WWOX: variants seen among roughly 807,000 people sequenced by gnomAD.
The protein encoded by WWOX is WW domain containing oxidoreductase, also known as WW domain-containing oxidoreductase.
WWOX carries 69 observed loss-of-function variants against 46.2 expected under a neutral mutation model. The ratio of observed to expected loss-of-function variants is 1.49; its 90% CI spans 1.23 to 1.82. WWOX has a LOEUF of 1.82. Among genes scored for constraint, WWOX ranks in the 40% most tolerant of loss-of-function variants. The pLI is 0.00. For synonymous variants in WWOX, 359 were observed against 202.6 expected (o/e 1.77, Z -6.56); for missense variants, 919 against 542.6 (o/e 1.69, Z -6.89).
chr16:78,652,160 C>G (rs1235081605), intron 8 of WWOX, among the ~76,000 whole-genome samples: 1 of 151,912 alleles, frequency 6.6e-6, no homozygotes, highest in African/African-American at 2.4e-5. Flanking sequence ...ACCTGTAATC[C>G]CAGCACTTTG....
At chr16:78,329,946 A>G (rs917376028) in intron 5 of WWOX, among the ~76,000 whole-genome samples, 2 of 152,024 alleles carry the variant, frequency 1.3e-5, no homozygotes, top group South Asian at 2.1e-4. Context: ...AGTTCTTGCT[A>G]TGTTGCCCAC....
At chr16:78,701,243 A>G (rs1478548754) in intron 8 of WWOX, among the ~76,000 whole-genome samples, 1 of 152,170 alleles carries the variant, frequency 6.6e-6, no homozygotes, top group African/African-American at 2.4e-5. Context: ...CATGTAAAGA[A>G]CTAGGGATAT....
At chr16:78,749,382 C>A (rs138357607) in intron 8 of WWOX, among the ~76,000 whole-genome samples, 2 of 151,996 alleles carry the variant, frequency 1.3e-5, no homozygotes, top group African/African-American at 4.8e-5. Flanking sequence ...TTGAATACAG[C>A]CTTTTGCATT....
In WWOX at chr16:79,103,086, G is replaced by A. The variant is rs1302640826; in HGVS notation, c.1057-108522G>A. Among the ~76,000 whole-genome samples the A allele has an allele frequency of 3.3e-5, 5 of 152,072 alleles. No individual in the cohort carries two copies. In the East Asian group the frequency reaches 7.7e-4, roughly 23 times the overall value. On this transcript the variant is annotated intron_variant, in intron 8 of 8. Transcript: ENST00000566780. ...GTTCTCACCATAACCCTCTGGCAAA[G>A]GCAAATATTCACCTAAGTGGTTAAG...
At chr16:78,555,584 A>G (rs1012861210) in intron 8 of WWOX, among the ~76,000 whole-genome samples, 1 of 81,518 alleles carries the variant, frequency 1.2e-5, no homozygotes, top group African/African-American at 3.3e-5. Flanking sequence ...AAGGAGTGCC[A>G]CTTTTTTTTT....
intron 8 of WWOX, among the ~76,000 whole-genome samples, chr16:78,561,331 G>C (rs1325400988): frequency 1.3e-5 from 2 of 152,084 alleles, no homozygotes; most frequent in Non-Finnish European, 2.9e-5. Flanking sequence ...CATGCATGTA[G>C]TTCCCTCCTG....
At chr16:78,636,162 TATA>T (rs2046563930) in intron 8 of WWOX, among the ~76,000 whole-genome samples, 1 of 152,148 alleles carries the variant, frequency 6.6e-6, no homozygotes, top group African/African-American at 2.4e-5. Flanking sequence ...GGTAGTATAT[TATA>T]ATGGAAACCA....
chr16:79,202,033 C>A (rs1028286756), intron 8 of WWOX, among the ~76,000 whole-genome samples: 1 of 151,436 alleles, frequency 6.6e-6, no homozygotes, highest in Non-Finnish European at 1.5e-5. Flanking sequence ...CTATGGCCTG[C>A]CGGCTAAATC....
At chr16:78,848,779 C>G (rs756841544) in intron 8 of WWOX, among the ~76,000 whole-genome samples, 5 of 144,976 alleles carry the variant, frequency 3.4e-5, no homozygotes, top group African/African-American at 5.2e-5. Flanking sequence ...CCAAAATAGA[C>G]GGGAGTTACA....
intron 8 of WWOX, among the ~76,000 whole-genome samples, chr16:78,538,994 G>A (rs1490896337): frequency 6.6e-6 from 1 of 152,214 alleles, no homozygotes; most frequent in African/African-American, 2.4e-5. Context: ...GCTGTGGGAT[G>A]AATGGGGAAA....
In WWOX at chr16:78,427,664, A is replaced by G. The variant is rs976960684; in HGVS notation, c.791+2609A>G. ...CTTGGTAGCACATGCCTGTAATCCTATCTAGTAAGAGGCTGAGGTGGGAGG... is the reference window on the plus strand; with the variant it reads ...CTTGGTAGCACATGCCTGTAATCCTGTCTAGTAAGAGGCTGAGGTGGGAGG... On this transcript the variant is annotated intron_variant, in intron 7 of 8. Transcript: ENST00000566780. Among the ~76,000 whole-genome samples the G allele has an allele frequency of 3.3e-5, 5 of 152,078 alleles. No individual in the cohort carries two copies. In the South Asian group the frequency reaches 8.3e-4, roughly 25 times the overall value.
intron 5 of WWOX, among the ~76,000 whole-genome samples, chr16:78,283,249 G>A (rs746939612): frequency 1.1e-4 from 17 of 152,236 alleles, no homozygotes; most frequent in Non-Finnish European, 2.1e-4. Context: ...TCCATGCAAG[G>A]AGGAACGATG....
intron 8 of WWOX, among the ~76,000 whole-genome samples, chr16:78,441,651 C>A (rs1308015565): frequency 1.3e-5 from 2 of 151,964 alleles, no homozygotes; most frequent in Admixed American, 1.3e-4. Flanking sequence ...TAGCTCTCTC[C>A]CATTCTAACT....
At chr16:78,594,100 C>T (rs543244723) in intron 8 of WWOX, among the ~76,000 whole-genome samples, 2 of 151,994 alleles carry the variant, frequency 1.3e-5, no homozygotes, top group Non-Finnish European at 2.9e-5. Flanking sequence ...ATGATAAAGT[C>T]ACTTCTCAAC....
At chr16:78,653,168 A>C (rs555588891) in intron 8 of WWOX, among the ~76,000 whole-genome samples, 1 of 152,196 alleles carries the variant, frequency 6.6e-6, no homozygotes, top group Non-Finnish European at 1.5e-5. Flanking sequence ...TTAAAAAAAC[A>C]AGAATTTCTC....
intron 8 of WWOX, among the ~76,000 whole-genome samples, chr16:79,103,577 A>C (rs558963344): frequency 6.6e-6 from 1 of 152,296 alleles, no homozygotes; most frequent in South Asian, 2.1e-4. Flanking sequence ...TTTATTCCAT[A>C]CTATCTGATT....
chr16:79,193,574 C>G (rs549670102), intron 8 of WWOX, among the ~76,000 whole-genome samples: 3 of 152,224 alleles, frequency 2.0e-5, no homozygotes, highest in Non-Finnish European at 2.9e-5. Context: ...AGTCATCCAT[C>G]TGCGTGGTCT....
intron 5 of WWOX, among the ~76,000 whole-genome samples, chr16:78,308,459 ACT>A (rs1271041676): frequency 6.6e-6 from 1 of 152,016 alleles, no homozygotes; most frequent in East Asian, 1.9e-4. Context: ...GACAAAACAG[ACT>A]CTTTATAGCA....
chr16:79,166,448 A>G (rs986398375), intron 8 of WWOX, among the ~76,000 whole-genome samples: 1 of 152,188 alleles, frequency 6.6e-6, no homozygotes, highest in Non-Finnish European at 1.5e-5. Flanking sequence ...CCTTTGTCAC[A>G]GAGCCACTGT....
Sources: gnomAD v4.1 joint callset for allele counts (sites outside exome capture counted in the v4.1 genomes callset) on GRCh38, gnomAD v4.1.1 for gene constraint, MANE v1.5 for transcripts, NCBI Gene and HGNC (gene_info 2026-07-23, HGNC 2026-07-21) for gene names.